Variants in ZMAT1 observed in about 807,000 individuals in gnomAD.
ZMAT1 encodes the protein zinc finger matrin-type 1.
Under a neutral mutation model 18.5 loss-of-function variants are expected in ZMAT1, and 11 were observed. That is an observed-to-expected ratio of 0.59 (90% confidence interval 0.37 to 0.98). ZMAT1 has a LOEUF of 0.98. Among genes scored for constraint, ZMAT1 ranks in the 50% least tolerant of loss-of-function variants. ZMAT1 has a pLI of 0.01. For missense variants in ZMAT1, 525 were observed against 496.2 expected, an observed-to-expected ratio of 1.06 and a Z score of -0.55; for synonymous variants, 211 against 176.4, an observed-to-expected ratio of 1.20 and a Z score of -1.55.
intron 2 of ZMAT1, among the ~76,000 whole-genome samples, chrX:101,901,613 T>C (rs1301215370): frequency 8.9e-6 from 1 of 111,751 alleles, no homozygotes; most frequent in African/African-American, 3.2e-5. Flanking sequence ...TATAATCCTA[T>C]ACCCTCATGC....
At position 101,898,223 on chromosome X, in the gene ZMAT1, G is replaced by GA. The variant is rs946400932; in HGVS notation, c.400-4dup. The GA allele has an allele frequency of 1.2e-5, 14 of 1,190,775 alleles. No homozygotes were observed. The highest frequency in any genetic ancestry group is 1.6e-5 in the Non-Finnish European group (14 of 880,297). On this transcript the variant is annotated splice_polypyrimidine_tract_variant and splice_region_variant and intron_variant, in intron 2 of 5. Coordinates refer to ENST00000651725, the MANE Select transcript of ZMAT1 (RefSeq NM_001394560.1). ...ACATTTTGAGCATGTTTTTCACCCTGAAAAAAGATATAATATGACTTTGTT... is the reference window on the plus strand; with the variant it reads ...ACATTTTGAGCATGTTTTTCACCCTGAAAAAAAGATATAATATGACTTTGTT...
chrX:101,916,217 A>G (rs1929319086), intron 1 of ZMAT1, among the ~76,000 whole-genome samples: 1 of 108,897 alleles, frequency 9.2e-6, no homozygotes, highest in Non-Finnish European at 1.9e-5. Flanking sequence ...AGTGAGGGGA[A>G]TAACACACAT....
In ZMAT1 at chrX:101,884,595, G is replaced by A. The variant is rs201119309; in HGVS notation, c.1003C>T (p.Arg335Trp). 1.2e-4 allele frequency: 140 copies of A among 1,208,954 alleles called. No individual in the cohort carries two copies. The Middle Eastern group carries it at 2.3e-3, about 20-fold the overall frequency. ...ATATTGTATGGTGCTGCGTATGTCCGGAAAGTCTCAAATGGGAGTCTTTGT... is the reference window on the plus strand; with the variant it reads ...ATATTGTATGGTGCTGCGTATGTCCAGAAAGTCTCAAATGGGAGTCTTTGT... ...FEQRLPFETF[R>W]TYAAPYNISQ... The change falls in exon 6 of 6, where the codon CGG (arginine) becomes TGG (tryptophan). Residue 335 changes from arginine (R) to tryptophan (W), a missense_variant. Arg to Trp is a moderately radical substitution (Grantham distance 101, BLOSUM62 -3). Coordinates refer to ENST00000651725, the MANE Select transcript of ZMAT1 (RefSeq NM_001394560.1).
At chrX:101,928,852 A>C (rs1171691340) in intron 1 of ZMAT1, among the ~76,000 whole-genome samples, 2 of 111,995 alleles carry the variant, frequency 1.8e-5, no homozygotes, top group African/African-American at 6.5e-5. Context: ...GAGGTAAATA[A>C]GCAATTTTTT....
In ZMAT1 at chrX:101,884,503, A is replaced by C; in HGVS notation, c.1095T>G (p.Leu365=). The change falls in exon 6 of 6, where the codon CTT becomes CTG. Residue 365 remains leucine (L), a synonymous_variant. Coordinates refer to ENST00000651725, the MANE Select transcript of ZMAT1 (RefSeq NM_001394560.1). ...CTTTCTGTACTTTGATGTAATCTTC[A>C]AGTTCATCTTGGAAAGAGTCATATG... ...KKTYDSFQDE[L]EDYIKVQKAR... The C allele has an allele frequency of 8.3e-7, 1 of 1,211,264 alleles. No homozygotes were observed. The highest frequency in any genetic ancestry group is 1.8e-5 in the South Asian group (1 of 56,984).
intron 1 of ZMAT1, among the ~76,000 whole-genome samples, chrX:101,916,424 T>A (rs181502999): frequency 3.6e-4 from 40 of 111,531 alleles, no homozygotes; most frequent in Non-Finnish European, 6.8e-4. Context: ...TAAAAAATAA[T>A]CCAATTTACA....
intron 1 of ZMAT1, chrX:101,918,639 A>G (rs1460162315): frequency 9.0e-6 from 1 of 110,796 alleles, no homozygotes; most frequent in African/African-American, 3.3e-5. Context: ...TCCATCTCAA[A>G]AAAAAAAGTA....
intron 4 of ZMAT1, chrX:101,887,308 A>C: frequency 1.4e-6 from 1 of 722,342 alleles, no homozygotes; most frequent in Non-Finnish European, 1.6e-6. Context: ...CAAAATTCTA[A>C]AACAAAACTA....
At chrX:101,894,415 A>G in intron 4 of ZMAT1, 1 of 752,046 alleles carries the variant, frequency 1.3e-6, no homozygotes. Context: ...CATTAAATAT[A>G]TGAAGTTAAG....
At chrX:101,926,877 G>A (rs1006998253) in intron 1 of ZMAT1, among the ~76,000 whole-genome samples, 1 of 112,211 alleles carries the variant, frequency 8.9e-6, no homozygotes, top group Non-Finnish European at 1.9e-5. Context: ...CTTTGCTGAA[G>A]TGGGAAGTTC....
At chrX:101,891,268 G>C in intron 4 of ZMAT1, among the ~76,000 whole-genome samples, 1 of 111,731 alleles carries the variant, frequency 9.0e-6, no homozygotes. Context: ...AAAGAATCTA[G>C]AGAAGTCTAA....
chrX:101,927,356 C>T (rs1480646205), intron 1 of ZMAT1, among the ~76,000 whole-genome samples: 5 of 111,576 alleles, frequency 4.5e-5, no homozygotes, highest in African/African-American at 6.5e-5. Flanking sequence ...AGATCTGTAC[C>T]TCTCAGCATG....
chrX:101,898,208 C>A lies in ZMAT1; in HGVS notation c.412G>T (p.Ala138Ser). The change falls in exon 3 of 6, where the codon GCT (alanine) becomes TCT (serine). Residue 138 changes from alanine to serine, a missense_variant. Ala to Ser is a moderately conservative substitution (Grantham distance 99). Coordinates refer to ENST00000651725, the MANE Select transcript of ZMAT1 (RefSeq NM_001394560.1). ...TGAAAATAAAAACTAACATTTTGAG[C>A]ATGTTTTTCACCCTGAAAAAAGATA... ...RISHYEGEKHAQNVSFYFQMH... is the reference protein window; with the variant it reads ...RISHYEGEKHSQNVSFYFQMH... 1 of 1,205,943 alleles carries A rather than the reference C, an allele frequency of 8.3e-7. No homozygotes were observed. Among genetic ancestry groups the A allele is most frequent in the Non-Finnish European group, 1.1e-6 (1 of 890,918 alleles).
chrX:101,887,388 C>T (rs1025619056), intron 4 of ZMAT1: 1 of 297,271 alleles, frequency 3.4e-6, no homozygotes. Context: ...CACTATTCCA[C>T]TTTGTAGGTA....
intron 1 of ZMAT1, among the ~76,000 whole-genome samples, chrX:101,913,504 T>C (rs1321601408): frequency 1.8e-5 from 2 of 111,759 alleles, no homozygotes; most frequent in Non-Finnish European, 3.8e-5. Context: ...AGACATTCCA[T>C]GCCAATGAAA....
intron 4 of ZMAT1, chrX:101,894,788 T>C (rs1603275768): frequency 1.3e-6 from 1 of 752,970 alleles, no homozygotes; most frequent in Non-Finnish European, 1.6e-6. Flanking sequence ...CATTTTCACA[T>C]GAAGGAGAAA....
intron 1 of ZMAT1, among the ~76,000 whole-genome samples, chrX:101,908,690 C>T (rs1469865475): frequency 9.0e-6 from 1 of 111,448 alleles, no homozygotes; most frequent in Non-Finnish European, 1.9e-5. Context: ...TGGTACCCAA[C>T]CAGGGAAGGA....
intron 1 of ZMAT1, among the ~76,000 whole-genome samples, chrX:101,921,335 G>A (rs922111630): frequency 1.2e-4 from 13 of 111,914 alleles, no homozygotes; most frequent in African/African-American, 3.2e-4. Flanking sequence ...TACAACAAGG[G>A]TAAGTATAAA....
intron 1 of ZMAT1, chrX:101,911,767 A>C (rs1285976739): frequency 9.1e-6 from 11 of 1,207,705 alleles, no homozygotes; most frequent in Non-Finnish European, 1.1e-5. Context: ...AGTGTGGCAG[A>C]GCCTTCGGCC....
Sources: gnomAD v4.1 joint callset for allele counts (sites outside exome capture counted in the v4.1 genomes callset) on GRCh38, gnomAD v4.1.1 for gene constraint, MANE v1.5 for transcripts, NCBI Gene and HGNC (gene_info 2026-07-23, HGNC 2026-07-21) for gene names.